Variants in ROBO2 observed in about 807,000 individuals in gnomAD.
ROBO2 encodes the protein roundabout homolog 2.
In ROBO2, 53 loss-of-function variants were observed where a neutral mutation model predicts 160.8. That is an observed-to-expected ratio of 0.33 (90% confidence interval 0.26 to 0.41). ROBO2 has a LOEUF of 0.41. Among genes scored for constraint, ROBO2 ranks in the 10% least tolerant of loss-of-function variants. The pLI, the probability that ROBO2 is intolerant of heterozygous loss-of-function variation, is 1.00. For synonymous variants in ROBO2, 664 were observed against 611.7 expected (o/e 1.09, Z -1.26); for missense variants, 1,577 against 1,722.4 (o/e 0.92, Z 1.49).
intron 2 of ROBO2, among the ~76,000 whole-genome samples, chr3:76,270,990 C>T (rs1707399061): frequency 6.6e-6 from 1 of 152,072 alleles, no homozygotes; most frequent in African/African-American, 2.4e-5. Flanking sequence ...TACTTTGAAA[C>T]ACTTGGTAAA....
rs995500259 is a variant in ROBO2, at chr3:77,606,420, A to C, written c.3137-1378A>C. Among the ~76,000 whole-genome samples, 6 of 152,286 alleles carry C rather than the reference A, an allele frequency of 3.9e-5. No individual in the cohort carries two copies. In the South Asian group the frequency reaches 1.2e-3, roughly 32 times the overall value. ...AAACTGGTCTGTAAACCCAGATACG[A>C]AACTCTTGTCCTCTAAGCAAAAGAT... On this transcript the variant is annotated intron_variant, in intron 20 of 25. Coordinates refer to ENST00000461745, the Ensembl canonical transcript of ROBO2.
intron 2 of ROBO2, among the ~76,000 whole-genome samples, chr3:75,956,096 G>A (rs1159519561): frequency 6.6e-6 from 1 of 151,752 alleles, no homozygotes; most frequent in African/African-American, 2.4e-5. Flanking sequence ...GACTGCACAA[G>A]GGTGAATTAT....
At chr3:76,506,557 T>C (rs1225174419) in intron 2 of ROBO2, among the ~76,000 whole-genome samples, 3 of 152,194 alleles carry the variant, frequency 2.0e-5, no homozygotes, top group African/African-American at 7.2e-5. Flanking sequence ...TCCCCAATGC[T>C]CCTCATTGCA....
chr3:76,910,817 C>G (rs116147092), intron 2 of ROBO2, among the ~76,000 whole-genome samples: 2 of 149,758 alleles, frequency 1.3e-5, no homozygotes, highest in African/African-American at 2.5e-5. Context: ...TATGAGGAAG[C>G]ATTAATCATT....
chr3:76,628,672 C>A (rs534873091), intron 2 of ROBO2, among the ~76,000 whole-genome samples: 17 of 152,156 alleles, frequency 1.1e-4, no homozygotes, highest in Non-Finnish European at 2.1e-4. Context: ...ATATGCTTCT[C>A]TTTAAACAGC....
intron 2 of ROBO2, among the ~76,000 whole-genome samples, chr3:77,390,318 T>C (rs1029693206): frequency 4.6e-5 from 7 of 152,166 alleles, no homozygotes; most frequent in African/African-American, 1.7e-4. Context: ...ATGTATGGCA[T>C]CTTACACAGT....
intron 2 of ROBO2, among the ~76,000 whole-genome samples, chr3:76,278,362 G>A (rs1051534368): frequency 6.6e-6 from 1 of 151,888 alleles, no homozygotes; most frequent in African/African-American, 2.4e-5. Flanking sequence ...CTAATAAACT[G>A]GAAAAGCCCA....
At chr3:76,157,133 C>A (rs1204130684) in intron 2 of ROBO2, among the ~76,000 whole-genome samples, 1 of 152,178 alleles carries the variant, frequency 6.6e-6, no homozygotes, top group Non-Finnish European at 1.5e-5. Flanking sequence ...GCCAACTCCA[C>A]CCACTCTGTA....
At chr3:76,326,511 A>G (rs2073034214) in intron 2 of ROBO2, among the ~76,000 whole-genome samples, 1 of 151,152 alleles carries the variant, frequency 6.6e-6, no homozygotes, top group African/African-American at 2.4e-5. Flanking sequence ...TATATTACAT[A>G]CATATATGTA....
chr3:77,563,113 G>C, intron 10 of ROBO2, 54 bp from the exon 12 acceptor site: 1 of 1,560,650 alleles, frequency 6.4e-7, no homozygotes, highest in South Asian at 1.1e-5. Context: ...CTTTTAGGCA[G>C]TATTGTCAAC....
At chr3:77,224,617 G>T (rs1037655602) in intron 2 of ROBO2, among the ~76,000 whole-genome samples, 2 of 151,748 alleles carry the variant, frequency 1.3e-5, no homozygotes, top group Non-Finnish European at 3.0e-5. Flanking sequence ...TCTTAAAATT[G>T]TGTGTGTTTC....
At chr3:76,221,973 T>G (rs1703997242) in intron 2 of ROBO2, among the ~76,000 whole-genome samples, 1 of 152,110 alleles carries the variant, frequency 6.6e-6, no homozygotes, top group Admixed American at 6.5e-5. Flanking sequence ...AAACTGCCAC[T>G]AGGTAGCTGG....
At chr3:76,139,102 C>T (rs921662793) in intron 2 of ROBO2, among the ~76,000 whole-genome samples, 17 of 152,168 alleles carry the variant, frequency 1.1e-4, no homozygotes, top group African/African-American at 3.4e-4. Flanking sequence ...TGTATTAGAG[C>T]GTGTACTTAA....
At chr3:76,740,250 A>T (rs2093780547) in intron 2 of ROBO2, among the ~76,000 whole-genome samples, 1 of 152,312 alleles carries the variant, frequency 6.6e-6, no homozygotes, top group South Asian at 2.1e-4. Flanking sequence ...CTCGAATGGT[A>T]ACTCAGTGTG....
chr3:77,598,567 C>G (rs1916693), intron 19 of ROBO2, among the ~76,000 whole-genome samples: 111,021 of 147,418 alleles, frequency 0.75, 42,105 homozygotes, highest in African/African-American at 0.82. Flanking sequence ...TACCATCAAT[C>G]ATCAGGCATC....
chr3:76,329,071 G>A (rs1309896479), intron 2 of ROBO2, among the ~76,000 whole-genome samples: 1 of 151,946 alleles, frequency 6.6e-6, no homozygotes, highest in African/African-American at 2.4e-5. Context: ...ACGGATCAGA[G>A]GGAGTCGGTG....
chr3:75,946,960 A>G (rs1705496464), intron 2 of ROBO2, among the ~76,000 whole-genome samples: 1 of 152,034 alleles, frequency 6.6e-6, no homozygotes, highest in East Asian at 1.9e-4. Flanking sequence ...TGACTATTGC[A>G]CCTGTCCAGT....
At chr3:77,437,751 T>C (rs2079449397) in intron 2 of ROBO2, among the ~76,000 whole-genome samples, 1 of 151,942 alleles carries the variant, frequency 6.6e-6, no homozygotes, top group South Asian at 2.1e-4. Context: ...GATTACCTAC[T>C]TACTCAAAAC....
chr3:77,040,688 A>C (rs940655095), exon 1 of ROBO2: 1 of 1,605,422 alleles, frequency 6.2e-7, no homozygotes, highest in South Asian at 1.1e-5. Flanking sequence ...AGGAAAGTCT[A>C]AACTTTGGAC....
Sources: gnomAD v4.1 joint callset for allele counts (sites outside exome capture counted in the v4.1 genomes callset) on GRCh38, gnomAD v4.1.1 for gene constraint, MANE v1.5 for transcripts, NCBI Gene and HGNC (gene_info 2026-07-23, HGNC 2026-07-21) for gene names.